Variants in MAP4K5 observed in about 807,000 individuals in gnomAD.
MAP4K5 encodes mitogen-activated protein kinase kinase kinase kinase 5, also known as MAPK/ERK kinase kinase kinase 5.
In MAP4K5, 82 loss-of-function variants were observed where a neutral mutation model predicts 135.6. The ratio of observed to expected loss-of-function variants is 0.60; its 90% CI spans 0.51 to 0.73. The LOEUF (loss-of-function observed/expected upper bound fraction) is 0.73. Ranked by LOEUF, MAP4K5 falls within the 30% of genes least tolerant of loss-of-function variation. MAP4K5 has a pLI of 0.00. For synonymous variants in MAP4K5, 347 were observed against 335.0 expected (o/e 1.04, Z -0.39); for missense variants, 907 against 1,010.9 (o/e 0.90, Z 1.39).
chr14:50,421,592 T>TA (rs2035734205), intron 32 of MAP4K5, among the ~76,000 whole-genome samples: 1 of 151,848 alleles, frequency 6.6e-6, no homozygotes, highest in African/African-American at 2.4e-5. Flanking sequence ...CTTGTAAAGA[T>TA]AAAACAAAAA....
rs1258112658 is a variant in MAP4K5, at chr14:50,447,465, G to C, written c.1091C>G (p.Pro364Arg). Residue 364 changes from proline (P) to arginine (R), a missense_variant, in exon 16 of 33, where the codon CCA becomes CGA. Pro to Arg is a moderately radical substitution (Grantham distance 103). Coordinates refer to ENST00000682126, the MANE Select transcript of MAP4K5 (RefSeq NM_006575.6). The part of the protein sequence containing the change: ...ARDEMGLSSD[P>R]NFMLQWNPFV... ...AGGATTCCACTGTAACATGAAATTTGGGTCTGATGACAATCCCTGTAAAGA... is the reference window on the plus strand; with the variant it reads ...AGGATTCCACTGTAACATGAAATTTCGGTCTGATGACAATCCCTGTAAAGA... The C allele has an allele frequency of 4.5e-6, 7 of 1,548,128 alleles. No individual in the cohort carries two copies. The highest frequency in any genetic ancestry group is 6.1e-6 in the Non-Finnish European group (7 of 1,143,254).
intron 32 of MAP4K5, among the ~76,000 whole-genome samples, chr14:50,422,363 G>A (rs2035753481): frequency 6.6e-6 from 1 of 152,084 alleles, no homozygotes; most frequent in Non-Finnish European, 1.5e-5. Context: ...TTTTTATGGA[G>A]TTATAACTCC....
intron 2 of MAP4K5, among the ~76,000 whole-genome samples, chr14:50,528,660 C>T (rs192326165): frequency 5.1e-4 from 78 of 152,214 alleles, no homozygotes; most frequent in Admixed American, 4.3e-3. Context: ...GAGTTCAAGG[C>T]TGCAGTGAGC....
intron 2 of MAP4K5, among the ~76,000 whole-genome samples, chr14:50,519,420 C>A (rs1297138604): frequency 2.6e-5 from 4 of 152,008 alleles, no homozygotes; most frequent in Non-Finnish European, 5.9e-5. Flanking sequence ...TTCGGGAGGT[C>A]AAGAAGGGCA....
chr14:50,495,182 G>C (rs891099536), intron 3 of MAP4K5, among the ~76,000 whole-genome samples: 2 of 151,970 alleles, frequency 1.3e-5, no homozygotes, highest in Non-Finnish European at 2.9e-5. Flanking sequence ...ATCTAAGAAG[G>C]GTTTAATACC....
intron 30 of MAP4K5, among the ~76,000 whole-genome samples, chr14:50,426,294 G>C (rs1012693471): frequency 6.6e-5 from 10 of 151,976 alleles, no homozygotes; most frequent in African/African-American, 2.4e-4. Context: ...TGTCTTAAAT[G>C]AATAAAATCA....
intron 2 of MAP4K5, among the ~76,000 whole-genome samples, chr14:50,529,109 G>A (rs1181303792): frequency 6.6e-6 from 1 of 152,160 alleles, no homozygotes; most frequent in East Asian, 1.9e-4. Flanking sequence ...AGGGCCGGAT[G>A]TGGTGGCTCA....
chr14:50,548,503 G>A (rs1341550943), intron 1 of MAP4K5, among the ~76,000 whole-genome samples: 1 of 152,068 alleles, frequency 6.6e-6, no homozygotes, highest in Non-Finnish European at 1.5e-5. Flanking sequence ...GTAGGGTTTT[G>A]GTCTCAATTA....
intron 1 of MAP4K5, among the ~76,000 whole-genome samples, chr14:50,548,401 T>C (rs577566578): frequency 6.6e-6 from 1 of 152,314 alleles, no homozygotes; most frequent in African/African-American, 2.4e-5. Flanking sequence ...GAGGTCCCAC[T>C]GCCACAGGAT....
upstream of MAP4K5, among the ~76,000 whole-genome samples, chr14:50,537,047 G>GT (rs1183848214): frequency 2.0e-5 from 3 of 152,244 alleles, no homozygotes; most frequent in Non-Finnish European, 4.4e-5. Context: ...CCTTCAGGGC[G>GT]TGTCAGAGGT....
chr14:50,560,534 C>G (rs1227797343), intron 1 of MAP4K5: 1 of 575,456 alleles, frequency 1.7e-6, no homozygotes, highest in African/African-American at 1.9e-5. Flanking sequence ...GCCGGGCCTC[C>G]AGCTCCTTCT....
chr14:50,454,726 A>T (rs1378804070), intron 14 of MAP4K5, among the ~76,000 whole-genome samples: 1 of 152,080 alleles, frequency 6.6e-6, no homozygotes, highest in African/African-American at 2.4e-5. Flanking sequence ...TATTTTGATT[A>T]AGAAGACTGA....
chr14:50,502,570 A>G (rs2037729588), intron 3 of MAP4K5, among the ~76,000 whole-genome samples: 1 of 152,154 alleles, frequency 6.6e-6, no homozygotes. Context: ...AATATCCTAC[A>G]TTAATCTATG....
At chr14:50,524,571 C>T (rs2140102610) in intron 2 of MAP4K5, among the ~76,000 whole-genome samples, 1 of 151,780 alleles carries the variant, frequency 6.6e-6, no homozygotes, top group South Asian at 2.1e-4. Flanking sequence ...TGAAAACATA[C>T]AGCTGCTAGG....
intron 9 of MAP4K5, among the ~76,000 whole-genome samples, chr14:50,470,653 TACACACACAC>T (rs59377868): frequency 0.041 from 6,074 of 148,708 alleles, 163 homozygotes; most frequent in Non-Finnish European, 0.058. Context: ...CATCCATTTT[TACACACACAC>T]ACACACACAC....
intron 28 of MAP4K5, among the ~76,000 whole-genome samples, chr14:50,431,630 A>G (rs1203343351): frequency 6.6e-6 from 1 of 151,826 alleles, no homozygotes; most frequent in Admixed American, 6.6e-5. Flanking sequence ...TATGTGCCAC[A>G]TTTTCTTAAT....
At chr14:50,454,193 G>C (rs914626566) in intron 14 of MAP4K5, among the ~76,000 whole-genome samples, 3 of 152,176 alleles carry the variant, frequency 2.0e-5, no homozygotes, top group Non-Finnish European at 4.4e-5. Flanking sequence ...CCATTTACCT[G>C]AAGGTCAAGA....
At chr14:50,560,324 C>T (rs972677846) in intron 1 of MAP4K5, 3 of 1,612,776 alleles carry the variant, frequency 1.9e-6, no homozygotes, top group Non-Finnish European at 2.5e-6. Flanking sequence ...AGAACTTCTG[C>T]AGCCTGCACG....
intron 31 of MAP4K5, among the ~76,000 whole-genome samples, chr14:50,425,645 C>T (rs2035829460): frequency 2.0e-5 from 3 of 152,032 alleles, no homozygotes; most frequent in African/African-American, 7.2e-5. Context: ...GCTTAGCAAC[C>T]ATATTTACAA....
Sources: gnomAD v4.1 joint callset for allele counts (sites outside exome capture counted in the v4.1 genomes callset) on GRCh38, gnomAD v4.1.1 for gene constraint, MANE v1.5 for transcripts, NCBI Gene and HGNC (gene_info 2026-07-23, HGNC 2026-07-21) for gene names.